Variants in NR3C2 observed in about 807,000 individuals in gnomAD.
NR3C2 encodes the protein mineralocorticoid receptor.
In NR3C2, 15 loss-of-function variants were observed where a neutral mutation model predicts 86.4. The observed-to-expected ratio is 0.17, with a 90% CI of 0.12 to 0.27. The LOEUF (loss-of-function observed/expected upper bound fraction) is 0.27, where lower values mean the gene tolerates loss of function less well. Among genes scored for constraint, NR3C2 ranks in the 10% least tolerant of loss-of-function variants. NR3C2 has a pLI of 1.00. For synonymous variants in NR3C2, 458 were observed against 450.5 expected, an observed-to-expected ratio of 1.02 and a Z score of -0.21; for missense variants, 960 against 1,195.6, an observed-to-expected ratio of 0.80 and a Z score of 2.91.
intron 2 of NR3C2, among the ~76,000 whole-genome samples, chr4:148,418,077 CAG>C: frequency 6.6e-6 from 1 of 152,210 alleles, no homozygotes; most frequent in East Asian, 1.9e-4. Context: ...ACTGTTAAAA[CAG>C]AAACACAGGA....
chr4:148,159,518 G>A (rs1214756840), intron 4 of NR3C2, among the ~76,000 whole-genome samples: 1 of 152,120 alleles, frequency 6.6e-6, no homozygotes, highest in Non-Finnish European at 1.5e-5. Flanking sequence ...ATGACCCTAT[G>A]ATAGGCACTA....
At chr4:148,182,497 C>T (rs573368196) in intron 4 of NR3C2, among the ~76,000 whole-genome samples, 2 of 152,136 alleles carry the variant, frequency 1.3e-5, no homozygotes, top group African/African-American at 4.8e-5. Context: ...TTTGACTCAC[C>T]TACTTTTTTA....
At chr4:148,282,355 G>T (rs1268851468) in intron 2 of NR3C2, among the ~76,000 whole-genome samples, 1 of 152,140 alleles carries the variant, frequency 6.6e-6, no homozygotes, top group Admixed American at 6.5e-5. Context: ...ATCTCTTATA[G>T]ATTATTTATT....
chr4:148,137,575 T>TA (rs1448231363), intron 6 of NR3C2, among the ~76,000 whole-genome samples: 1 of 152,206 alleles, frequency 6.6e-6, no homozygotes, highest in East Asian at 1.9e-4. Flanking sequence ...AAGTCTTTCT[T>TA]GAATGAGGAA....
At chr4:148,402,140 C>T (rs968525751) in intron 2 of NR3C2, among the ~76,000 whole-genome samples, 8 of 152,274 alleles carry the variant, frequency 5.3e-5, no homozygotes, top group South Asian at 2.1e-4. Flanking sequence ...CTTAGCCCAA[C>T]GGTGTGGTCA....
intron 2 of NR3C2, among the ~76,000 whole-genome samples, chr4:148,366,480 T>TTTTTAAA (rs1561066887): frequency 1.0e-4 from 2 of 19,360 alleles, no homozygotes; most frequent in African/African-American, 2.2e-4. Flanking sequence ...TAAAAAGTAC[T>TTTTTAAA]CAGCACTTTT....
intron 2 of NR3C2, among the ~76,000 whole-genome samples, chr4:148,317,037 C>T (rs1743224410): frequency 6.6e-6 from 1 of 152,186 alleles, no homozygotes; most frequent in African/African-American, 2.4e-5. Flanking sequence ...AAGCGATCCA[C>T]CTGCTTCAGC....
At chr4:148,376,505 C>T (rs1488450463) in intron 2 of NR3C2, among the ~76,000 whole-genome samples, 2 of 152,160 alleles carry the variant, frequency 1.3e-5, no homozygotes, top group Non-Finnish European at 1.5e-5. Flanking sequence ...CAGTGACTCT[C>T]AAAATATGGC....
At chr4:148,309,034 A>C (rs1327482528) in intron 2 of NR3C2, among the ~76,000 whole-genome samples, 1 of 152,078 alleles carries the variant, frequency 6.6e-6, no homozygotes, top group Non-Finnish European at 1.5e-5. Flanking sequence ...GAGGATATTG[A>C]ATGTTTTCAA....
intron 2 of NR3C2, among the ~76,000 whole-genome samples, chr4:148,266,646 T>C (rs1394794154): frequency 3.3e-5 from 5 of 152,214 alleles, no homozygotes; most frequent in African/African-American, 1.2e-4. Flanking sequence ...ATCAGAGTGC[T>C]GTGAACTCTG....
intron 2 of NR3C2, among the ~76,000 whole-genome samples, chr4:148,391,693 CCT>C (rs1747577232): frequency 6.6e-6 from 1 of 151,796 alleles, no homozygotes; most frequent in African/African-American, 2.4e-5. Context: ...ATGGTGAAAC[CCT>C]CTCTCTACTA....
intron 3 of NR3C2, among the ~76,000 whole-genome samples, chr4:148,249,570 G>A (rs1206996422): frequency 6.6e-6 from 1 of 152,222 alleles, no homozygotes; most frequent in Non-Finnish European, 1.5e-5. Context: ...TTATAAAGAT[G>A]CATTCTGTTG....
At chr4:148,181,618 A>AG (rs1735649164) in intron 4 of NR3C2, among the ~76,000 whole-genome samples, 1 of 152,234 alleles carries the variant, frequency 6.6e-6, no homozygotes, top group African/African-American at 2.4e-5. Flanking sequence ...ATTCCTTTGA[A>AG]AAAAGCTACA....
At chr4:148,251,864 C>T (rs1160143109) in intron 3 of NR3C2, among the ~76,000 whole-genome samples, 1 of 152,070 alleles carries the variant, frequency 6.6e-6, no homozygotes, top group Non-Finnish European at 1.5e-5. Context: ...AGCAAGATAA[C>T]TGTTAAATTA....
rs573422182 is a variant in NR3C2 at position 148,124,436 on chromosome 4, G to A, written c.2511-4148C>T. 3.9e-5 allele frequency among the ~76,000 whole-genome samples: 6 copies of A among 152,236 alleles called. No individual in the cohort carries two copies. In the East Asian group the frequency reaches 1.2e-3, roughly 29 times the overall value. ...TACCTGGGCCTTAATTGTTGCTTTT[G>A]GGAAATTTCCTGTTAGTCTAATTGT... On this transcript the variant is annotated intron_variant, in intron 6 of 8. Coordinates refer to ENST00000358102, the MANE Select transcript of NR3C2 (RefSeq NM_000901.5).
At chr4:148,220,973 A>T (rs1314615818) in intron 3 of NR3C2, among the ~76,000 whole-genome samples, 1 of 152,228 alleles carries the variant, frequency 6.6e-6, no homozygotes, top group Non-Finnish European at 1.5e-5. Flanking sequence ...GGCCCTTGCC[A>T]TCACATGCTA....
At chr4:148,201,975 C>T (rs892640044) in intron 3 of NR3C2, among the ~76,000 whole-genome samples, 1 of 152,204 alleles carries the variant, frequency 6.6e-6, no homozygotes, top group South Asian at 2.1e-4. Flanking sequence ...CCCCAAACCA[C>T]AGCAGACACC....
intron 3 of NR3C2, among the ~76,000 whole-genome samples, chr4:148,222,029 T>C (rs1737886394): frequency 6.6e-6 from 1 of 152,048 alleles, no homozygotes; most frequent in African/African-American, 2.4e-5. Flanking sequence ...GTTAATATAA[T>C]ATGTAAAGAT....
intron 3 of NR3C2, among the ~76,000 whole-genome samples, chr4:148,247,118 A>C (rs536861004): frequency 7.8e-4 from 118 of 152,126 alleles, no homozygotes; most frequent in Non-Finnish European, 1.5e-3. Context: ...CAGAAAGCCT[A>C]CTCTGGTTTC....
Sources: allele counts gnomAD v4.1 joint callset (sites outside exome capture counted in the v4.1 genomes callset), GRCh38; gene constraint gnomAD v4.1.1; transcripts MANE v1.5; gene names NCBI Gene and HGNC (gene_info 2026-07-23, HGNC 2026-07-21).